The following GAS2 variants were observed in gnomAD, a reference collection of about 807,000 sequenced individuals.
GAS2 encodes growth arrest specific 2.
Under a neutral mutation model 37.5 loss-of-function variants are expected in GAS2, and 20 were observed. That is an observed-to-expected ratio of 0.53 (90% CI 0.37 to 0.77). The LOEUF is 0.77. Among genes scored for constraint, GAS2 ranks in the 30% least tolerant of loss-of-function variants. The pLI is 0.00. For missense variants in GAS2, 336 were observed against 373.4 expected, an observed-to-expected ratio of 0.90 and a Z score of 0.82; for synonymous variants, 144 against 132.2, an observed-to-expected ratio of 1.09 and a Z score of -0.61.
intron 3 of GAS2, among the ~76,000 whole-genome samples, chr11:22,687,712 C>T (rs1256634203): frequency 1.3e-5 from 2 of 152,126 alleles, no homozygotes; most frequent in Non-Finnish European, 2.9e-5. Context: ...TCATTTCCAT[C>T]GTGATGTAAC....
At chr11:22,692,194 T>C (rs1457346250) in intron 3 of GAS2, among the ~76,000 whole-genome samples, 1 of 152,120 alleles carries the variant, frequency 6.6e-6, no homozygotes, top group Non-Finnish European at 1.5e-5. Context: ...TGTGAAAAAT[T>C]GGGCAAGATA....
rs1277822946 is a variant in GAS2 at position 22,737,758 on chromosome 11, A to T, written c.463A>T (p.Ile155Phe). 6.2e-7 allele frequency: 1 copy of T among 1,614,120 alleles called. No homozygotes were observed. The change falls in exon 5 of 8, where the codon ATT becomes TTT. Residue 155 changes from isoleucine to phenylalanine, a missense_variant. By Grantham distance (21) the Ile-to-Phe change is conservative. Transcript: ENST00000454584. ...VCLCLLELGR[I>F]AARYGVEPPG... ...TCTCTGTCTGCTAGAGCTTGGCCGG[A>T]TTGCAGCCAGGTAGGTCAAACCACT...
intron 7 of GAS2, among the ~76,000 whole-genome samples, chr11:22,760,502 T>C (rs145787020): frequency 4.6e-5 from 7 of 152,318 alleles, no homozygotes; most frequent in African/African-American, 1.4e-4. Context: ...AGGGATTCAG[T>C]GTACCAACAA....
chr11:22,668,878 G>A (rs1472587987), intron 1 of GAS2, among the ~76,000 whole-genome samples: 1 of 152,152 alleles, frequency 6.6e-6, no homozygotes, highest in African/African-American at 2.4e-5. Context: ...TGATATTAAG[G>A]TCCAAACAGG....
Position 22,674,966 on chromosome 11 carries a change from T to G in GAS2, c.97T>G (p.Leu33Val). 6.2e-7 allele frequency: 1 copy of G among 1,613,968 alleles called. No homozygotes were observed. Among genetic ancestry groups the G allele is most frequent in the Non-Finnish European group, 8.5e-7 (1 of 1,179,904 alleles). ...GCTAGCCAGCAGACATGAAGCTAAT[T>G]TGCTACCAATGAAAGAAGATCTGGC... ...QWLASRHEAN[L>V]LPMKEDLALW... is the part of the protein sequence containing the mutation. Residue 33 changes from leucine to valine, a missense_variant, in exon 2 of 8, where the codon TTG (leucine) becomes GTG (valine). Coordinates refer to ENST00000454584, the MANE Select transcript of GAS2 (RefSeq NM_001143830.3).
At chr11:22,714,038 T>C (rs567851424) in intron 3 of GAS2, among the ~76,000 whole-genome samples, 1 of 152,276 alleles carries the variant, frequency 6.6e-6, no homozygotes, top group East Asian at 1.9e-4. Context: ...ATCTGAATAC[T>C]AACATTGAAT....
At chr11:22,686,844 G>A (rs564389853) in intron 3 of GAS2, among the ~76,000 whole-genome samples, 2 of 152,144 alleles carry the variant, frequency 1.3e-5, no homozygotes, top group East Asian at 3.9e-4. Flanking sequence ...TAAAAGGGGT[G>A]TATGTGTGTA....
At chr11:22,727,278 C>T (rs1012722844) in intron 4 of GAS2, among the ~76,000 whole-genome samples, 11 of 151,978 alleles carry the variant, frequency 7.2e-5, no homozygotes, top group Middle Eastern at 3.2e-3. Flanking sequence ...AAAAAAACTT[C>T]GCTTTCTTTT....
chr11:22,769,616 G>A (rs993605037), intron 7 of GAS2, among the ~76,000 whole-genome samples: 1 of 152,176 alleles, frequency 6.6e-6, no homozygotes. Flanking sequence ...TCTAATCATG[G>A]GAGGGGAAAC....
At chr11:22,673,931 G>A (rs7109225) in intron 1 of GAS2, among the ~76,000 whole-genome samples, 2,888 of 152,236 alleles carry the variant, frequency 0.019, 78 homozygotes, top group African/African-American at 0.066. Flanking sequence ...CAAACAAAAC[G>A]CAGCATGTAA....
intron 3 of GAS2, among the ~76,000 whole-genome samples, chr11:22,686,894 C>T (rs1225516938): frequency 3.9e-5 from 6 of 151,954 alleles, no homozygotes; most frequent in East Asian, 3.9e-4. Flanking sequence ...TATATTACTC[C>T]GTAAAGTATT....
intron 5 of GAS2, among the ~76,000 whole-genome samples, chr11:22,739,700 T>G (rs1590075133): frequency 6.6e-6 from 1 of 152,058 alleles, no homozygotes; most frequent in African/African-American, 2.4e-5. Flanking sequence ...AAATATGGAT[T>G]GTCTAGAGTT....
chr11:22,670,144 A>G (rs1338731102), intron 1 of GAS2, among the ~76,000 whole-genome samples: 3 of 152,194 alleles, frequency 2.0e-5, no homozygotes. Context: ...GTGATTGACC[A>G]ATAAACTATT....
chr11:22,772,187 A>G (rs947477883), intron 7 of GAS2, among the ~76,000 whole-genome samples: 1 of 152,146 alleles, frequency 6.6e-6, no homozygotes, highest in Non-Finnish European at 1.5e-5. Context: ...ATGAACATGA[A>G]ACCTAAGTCT....
At chr11:22,741,235 T>A (rs936901961) in intron 5 of GAS2, among the ~76,000 whole-genome samples, 19 of 152,002 alleles carry the variant, frequency 1.2e-4, no homozygotes, top group Non-Finnish European at 7.4e-5. Flanking sequence ...AGAGCTATCA[T>A]CACTGAAGAG....
intron 5 of GAS2, among the ~76,000 whole-genome samples, chr11:22,744,516 T>C (rs936023099): frequency 2.0e-5 from 3 of 152,064 alleles, no homozygotes; most frequent in Admixed American, 2.0e-4. Flanking sequence ...ATAAATGTAA[T>C]TTACCACATA....
upstream of GAS2, among the ~76,000 whole-genome samples, chr11:22,664,770 CAAGAT>C (rs1324162498): frequency 6.6e-6 from 1 of 151,760 alleles, no homozygotes; most frequent in Non-Finnish European, 1.5e-5. Flanking sequence ...TTTTGAAAAA[CAAGAT>C]AAAAATCAAA....
intron 3 of GAS2, among the ~76,000 whole-genome samples, chr11:22,708,287 G>A (rs1851224433): frequency 6.6e-6 from 1 of 152,062 alleles, no homozygotes. Flanking sequence ...TTGTGTTTAT[G>A]TTTTTTAGTG....
chr11:22,775,573 G>C (rs1052356720), intron 7 of GAS2, among the ~76,000 whole-genome samples: 4 of 151,988 alleles, frequency 2.6e-5, no homozygotes, highest in African/African-American at 9.7e-5. Context: ...ATTTTATGTA[G>C]AATAAAATTG....
Sources: gnomAD v4.1 joint callset for allele counts (sites outside exome capture counted in the v4.1 genomes callset) on GRCh38, gnomAD v4.1.1 for gene constraint, MANE v1.5 for transcripts, NCBI Gene and HGNC (gene_info 2026-07-23, HGNC 2026-07-21) for gene names.